Variants in NFIB observed in about 807,000 individuals in gnomAD.
The protein encoded by NFIB is nuclear factor 1 B-type.
NFIB carries 11 observed loss-of-function variants against 61.5 expected under a neutral mutation model. The observed-to-expected ratio is 0.18, with a 90% CI of 0.11 to 0.30. NFIB has a LOEUF of 0.30. NFIB is among the 10% of genes least tolerant of loss of function. The pLI, the probability that NFIB is intolerant of heterozygous loss-of-function variation, is 1.00. For missense variants in NFIB, 471 were observed against 608.9 expected (o/e 0.77, Z 2.38); for synonymous variants, 260 against 216.5 (o/e 1.20, Z -1.76).
chr9:14,374,379 G>A (rs2061392961), intron 1 of NFIB, among the ~76,000 whole-genome samples: 1 of 152,188 alleles, frequency 6.6e-6, no homozygotes, highest in Non-Finnish European at 1.5e-5. Flanking sequence ...TGGAAAATAA[G>A]TGAGAAAAGT....
At chr9:14,417,363 C>G in the NFIB span, among the ~76,000 whole-genome samples, 4 of 152,196 alleles carry the variant, frequency 2.6e-5, no homozygotes, top group Admixed American at 1.3e-4. Context: ...AGGTGTATAG[C>G]AGGCTACACC....
chr9:14,352,923 C>A (rs1029896316), intron 1 of NFIB, among the ~76,000 whole-genome samples: 13 of 152,108 alleles, frequency 8.5e-5, no homozygotes, highest in African/African-American at 3.1e-4. Context: ...TCTATAGGGG[C>A]AGGGTTAGGA....
intron 6 of NFIB, among the ~76,000 whole-genome samples, chr9:14,135,348 T>C (rs1052735437): frequency 5.3e-5 from 8 of 152,184 alleles, no homozygotes; most frequent in Non-Finnish European, 1.2e-4. Context: ...TTCATATTAG[T>C]TTAGGTACTG....
chr9:14,388,239 G>A (rs2061572519), intron 1 of NFIB, among the ~76,000 whole-genome samples: 1 of 152,066 alleles, frequency 6.6e-6, no homozygotes, highest in African/African-American at 2.4e-5. Context: ...CAGGTGTGGT[G>A]GTATGCACCT....
chr9:14,513,505 G>C, the NFIB span, among the ~76,000 whole-genome samples: 33 of 152,080 alleles, frequency 2.2e-4, no homozygotes, highest in East Asian at 4.3e-3. Flanking sequence ...GCGCATGCCT[G>C]TAATCCTAGC....
chr9:14,525,991 T>C, the NFIB span, among the ~76,000 whole-genome samples: 2 of 152,146 alleles, frequency 1.3e-5, no homozygotes, highest in African/African-American at 4.8e-5. Context: ...GCCGACTCCA[T>C]CTCATTCATC....
the NFIB span, among the ~76,000 whole-genome samples, chr9:14,460,856 T>G: frequency 2.4e-4 from 36 of 152,116 alleles, no homozygotes; most frequent in African/African-American, 8.7e-4. Flanking sequence ...TGCCCAGGTC[T>G]CTGCTTGTTA....
In NFIB at chr9:14,307,499, C is replaced by T; in HGVS notation, c.52G>A (p.Glu18Lys). The T allele has an allele frequency of 2.5e-6, 4 of 1,605,050 alleles. No homozygotes were observed. Among genetic ancestry groups the T allele is most frequent in the South Asian group, 1.1e-5 (1 of 90,312 alleles). Residue 18 changes from glutamate (E) to lysine (K), a missense_variant, in exon 2 of 11, where the codon GAG becomes AAG. Physicochemically the swap from Glu to Lys is moderately conservative, Grantham distance 56 (BLOSUM62 1). Transcript: ENST00000380953. The surrounding 1 kb of genome is among the most constrained non-coding windows in gnomAD (Gnocchi z 5.3). ...GCACGGACATGTGGAAGAAGTGCCTCGATGAATGGGTGAAATTCATCCTGT... is the reference window on the plus strand; with the variant it reads ...GCACGGACATGTGGAAGAAGTGCCTTGATGAATGGGTGAAATTCATCCTGT... ...LTQDEFHPFI[E>K]ALLPHVRAIA...
rs1433528728 is a variant in NFIB, at chr9:14,314,044, C to T, written c.-533G>A. ...GCGCTGGGAAAGTTCAAGGTTACAGCCCCAAGCACTGCGGCAGGATCCCGG... is the reference window on the plus strand; with the variant it reads ...GCGCTGGGAAAGTTCAAGGTTACAGTCCCAAGCACTGCGGCAGGATCCCGG... On this transcript the variant is annotated 5_prime_UTR_variant, in exon 1 of 11. Transcript: ENST00000380953. 3.7e-6 allele frequency: 4 copies of T among 1,066,856 alleles called. No homozygotes were observed. In the South Asian group the frequency reaches 1.4e-4, roughly 36 times the overall value. The allele number at this position is 1,066,856 out of a possible 1,614,324, so 66.1% of individuals were successfully genotyped here. A position where few individuals can be genotyped will look rare whatever the true frequency, so the allele number is the denominator to read the frequency against.
chr9:14,438,609 A>AT, the NFIB span, among the ~76,000 whole-genome samples: 31 of 151,726 alleles, frequency 2.0e-4, no homozygotes, highest in Admixed American at 1.4e-3. Context: ...TTTAATTTTA[A>AT]TTTTTTTTGC....
At chr9:14,133,329 G>C (rs2040625051) in intron 6 of NFIB, among the ~76,000 whole-genome samples, 1 of 152,226 alleles carries the variant, frequency 6.6e-6, no homozygotes, top group Non-Finnish European at 1.5e-5. Flanking sequence ...CACTGAAAGA[G>C]AAAAATGAGC....
the NFIB span, among the ~76,000 whole-genome samples, chr9:14,523,092 T>C: frequency 6.6e-6 from 1 of 152,096 alleles, no homozygotes; most frequent in East Asian, 1.9e-4. Context: ...GAGAGGGACC[T>C]GATTTTTTTC....
intron 3 of NFIB, among the ~76,000 whole-genome samples, chr9:14,175,387 A>G (rs199867287): frequency 3.3e-5 from 5 of 151,732 alleles, no homozygotes; most frequent in Non-Finnish European, 7.4e-5. Flanking sequence ...TGTTAGCCAG[A>G]ATGGTCTCGA....
chr9:14,308,545 G>A (rs1335733272), intron 1 of NFIB, among the ~76,000 whole-genome samples: 1 of 152,132 alleles, frequency 6.6e-6, no homozygotes, highest in East Asian at 1.9e-4. Flanking sequence ...GGTGAACAAT[G>A]AAAAATGGCA....
chr9:14,378,806 C>T (rs951168064), intron 1 of NFIB, among the ~76,000 whole-genome samples: 3 of 152,326 alleles, frequency 2.0e-5, no homozygotes, highest in South Asian at 2.1e-4. Context: ...CTGGAGGGAC[C>T]TATCCCATCC....
intron 2 of NFIB, among the ~76,000 whole-genome samples, chr9:14,292,979 A>C (rs2059199726): frequency 6.6e-6 from 1 of 152,222 alleles, no homozygotes; most frequent in African/African-American, 2.4e-5. Flanking sequence ...GAATAGAGTA[A>C]ATCTAAATTG....
chr9:14,378,249 T>C (rs938581018), intron 1 of NFIB, among the ~76,000 whole-genome samples: 1 of 152,264 alleles, frequency 6.6e-6, no homozygotes, highest in Non-Finnish European at 1.5e-5. Context: ...ATCTGGTTCA[T>C]ATTTAGGCTC....
At chr9:14,221,605 C>T (rs2051684775) in intron 2 of NFIB, among the ~76,000 whole-genome samples, 2 of 152,162 alleles carry the variant, frequency 1.3e-5, no homozygotes, top group African/African-American at 4.8e-5. Context: ...TTGCACAGAG[C>T]TGGTCCTGTC....
intron 6 of NFIB, among the ~76,000 whole-genome samples, chr9:14,145,109 C>G (rs1165403511): frequency 1.4e-5 from 2 of 145,432 alleles, no homozygotes; most frequent in East Asian, 4.0e-4. Context: ...AGGGGAGTCT[C>G]AGAGACAAAA....
Sources: gnomAD v4.1 joint callset for allele counts (sites outside exome capture counted in the v4.1 genomes callset) on GRCh38, gnomAD v4.1.1 for gene constraint, Gnocchi (gnomAD v3.1) non-coding constraint, MANE v1.5 for transcripts, NCBI Gene and HGNC (gene_info 2026-07-23, HGNC 2026-07-21) for gene names.